The following SMARCA1 variants were observed in gnomAD, a reference collection of about 807,000 sequenced individuals.
The protein encoded by SMARCA1 is SWI/SNF-related matrix-associated actin-dependent regulator of chromatin subfamily A member 1.
In SMARCA1, 17 loss-of-function variants were observed where a neutral mutation model predicts 93.6. The ratio of observed to expected loss-of-function variants is 0.18; its 90% CI spans 0.12 to 0.27. SMARCA1 has a LOEUF of 0.27. Ranked by LOEUF, SMARCA1 falls within the 10% of genes least tolerant of loss-of-function variation. The pLI is 1.00. For missense variants in SMARCA1, 630 were observed against 819.0 expected (o/e 0.77, Z 2.82); for synonymous variants, 271 against 271.4 (o/e 1.00, Z 0.01).
intron 1 of SMARCA1, among the ~76,000 whole-genome samples, chrX:129,518,846 T>C (rs758248364): frequency 9.0e-6 from 1 of 111,241 alleles, no homozygotes; most frequent in Non-Finnish European, 1.9e-5. Context: ...AAATATTAAT[T>C]CTAAGAAACA....
intron 5 of SMARCA1, among the ~76,000 whole-genome samples, chrX:129,515,036 G>A (rs1279179210): frequency 9.0e-6 from 1 of 110,750 alleles, no homozygotes; most frequent in Non-Finnish European, 1.9e-5. Flanking sequence ...GTGACAGAGC[G>A]AGACTCCATC....
At chrX:129,488,822 C>A (rs974701547) in intron 16 of SMARCA1, 115 bp downstream of exon 16, 1 of 466,783 alleles carries the variant, frequency 2.1e-6, no homozygotes, top group African/African-American at 2.4e-5. Flanking sequence ...AGAATATGAG[C>A]TACCTGAAAC....
At chrX:129,451,666 A>G (rs1657319823) in intron 23 of SMARCA1, among the ~76,000 whole-genome samples, 1 of 108,962 alleles carries the variant, frequency 9.2e-6, no homozygotes, top group African/African-American at 3.3e-5. Flanking sequence ...CCTATCACAC[A>G]GGTCATGTCA....
chrX:129,448,201 A>T (rs188183993), intron 24 of SMARCA1, 132 bp downstream of exon 24: 238 of 638,338 alleles, frequency 3.7e-4, no homozygotes, highest in Middle Eastern at 1.7e-3. Flanking sequence ...CTTCTGTCCA[A>T]AACAAATTAG....
intron 17 of SMARCA1, among the ~76,000 whole-genome samples, chrX:129,485,923 T>C (rs1435439526): frequency 9.0e-6 from 1 of 111,454 alleles, no homozygotes; most frequent in Non-Finnish European, 1.9e-5. Flanking sequence ...ATGCTTCTCT[T>C]ACAGCCTGTA....
chrX:129,481,285 C>A, intron 17 of SMARCA1, 100 bp from the exon 18 acceptor site: 1 of 518,559 alleles, frequency 1.9e-6, no homozygotes, highest in East Asian at 3.9e-5. Context: ...GAAGCAAAAG[C>A]CATCAGGAAG....
At chrX:129,448,295 G>A in intron 24 of SMARCA1, 38 bp downstream of exon 24, 1 of 1,173,269 alleles carries the variant, frequency 8.5e-7, no homozygotes, top group Non-Finnish European at 1.2e-6. Context: ...AAAAAAATGG[G>A]ATCTACCTAA....
At chrX:129,507,835 A>G in intron 7 of SMARCA1, 106 bp downstream of exon 7, 1 of 519,818 alleles carries the variant, frequency 1.9e-6, no homozygotes, top group Non-Finnish European at 3.0e-6. Context: ...TACAGGCGTG[A>G]GCCACCACAC....
intron 23 of SMARCA1, among the ~76,000 whole-genome samples, chrX:129,457,440 C>A (rs910877014): frequency 2.7e-5 from 3 of 111,996 alleles, no homozygotes; most frequent in African/African-American, 9.7e-5. Flanking sequence ...TACTTAATTC[C>A]ATTGACAAAA....
rs1306775348 is a variant in SMARCA1, at chrX:129,516,490, T to C, written c.269A>G (p.Asp90Gly). The change falls in exon 3 of 25, where the codon GAC becomes GGC. Residue 90 changes from aspartate (D) to glycine (G), a missense_variant. Physicochemically the swap from Asp to Gly is moderately conservative, Grantham distance 94 (BLOSUM62 -1). Coordinates refer to ENST00000371121, the MANE Select transcript of SMARCA1 (RefSeq NM_001282874.2). ...TAAAAATTCAAATCTCTTTGCTCGG[T>C]CGGCTTTCTAATTTGCAAAACAAAA... is the stretch of plus-strand genomic sequence containing the variant. ...DPEYEEKMKADRAKRFEFLLK... is the reference protein window; with the variant it reads ...DPEYEEKMKAGRAKRFEFLLK... The C allele has an allele frequency of 1.7e-6, 2 of 1,198,942 alleles. No homozygotes were observed. The highest frequency in any genetic ancestry group is 2.2e-6 in the Non-Finnish European group (2 of 890,066).
chrX:129,489,973 G>A, intron 15 of SMARCA1, 87 bp downstream of exon 15: 2 of 710,806 alleles, frequency 2.8e-6, no homozygotes, highest in Non-Finnish European at 4.1e-6. Context: ...TCAAATTTTG[G>A]TCAACTTTTA....
chrX:129,459,160 C>T (rs1932757659), intron 23 of SMARCA1, among the ~76,000 whole-genome samples: 1 of 112,481 alleles, frequency 8.9e-6, no homozygotes. Context: ...GTGGCTCACA[C>T]CTGTAATCCC....
At chrX:129,495,645 T>C (rs896799905) in intron 12 of SMARCA1, among the ~76,000 whole-genome samples, 3 of 110,893 alleles carry the variant, frequency 2.7e-5, no homozygotes, top group Non-Finnish European at 3.8e-5. Context: ...ATCCCAAACG[T>C]TGGTATTACA....
chrX:129,479,411 T>G (rs1739056497), intron 19 of SMARCA1, among the ~76,000 whole-genome samples: 1 of 110,566 alleles, frequency 9.0e-6, no homozygotes, highest in Non-Finnish European at 1.9e-5. Flanking sequence ...CTGTTTTCAC[T>G]TTCTTTGAAA....
At chrX:129,516,852 C>T (rs1935219370) in intron 2 of SMARCA1, among the ~76,000 whole-genome samples, 1 of 111,809 alleles carries the variant, frequency 8.9e-6, no homozygotes, top group Non-Finnish European at 1.9e-5. Context: ...CTTTCCAAAA[C>T]ATCATTTTAT....
Position 129,450,104 on chromosome X carries a change from A to G in SMARCA1, c.3031-1661T>C, listed in dbSNP as rs147190288. On this transcript the variant is annotated intron_variant, in intron 23 of 24. Transcript: ENST00000371121. ...AAGCCCTAACCTTCAATGTGACTGT[A>G]TTTGAAGATGGGGACTTGTGACTGT... is the stretch of plus-strand genomic sequence containing the variant. Among the ~76,000 whole-genome samples the G allele has an allele frequency of 2.2e-3, 249 of 112,332 alleles. 2 individuals are homozygous for G. The East Asian group carries it at 0.025, about 11-fold the overall frequency.
chrX:129,500,407 C>T (rs1251121854), intron 9 of SMARCA1, among the ~76,000 whole-genome samples: 2 of 112,492 alleles, frequency 1.8e-5, no homozygotes, highest in African/African-American at 6.5e-5. Flanking sequence ...ACCCCGTGAT[C>T]CACCCACCTT....
rs765729135 is a variant in SMARCA1 at position 129,475,306 on chromosome X, G to A, written c.2443-3980C>T. Reference sequence around the variant, plus strand: ...GGTCAAGGCGGGTGGATCACCTGAGGTCAGGAGTTCAAGACCAGCCTGGCC... The same window carrying A: ...GGTCAAGGCGGGTGGATCACCTGAGATCAGGAGTTCAAGACCAGCCTGGCC... On this transcript the variant is annotated intron_variant, in intron 19 of 24. Coordinates refer to ENST00000371121, the MANE Select transcript of SMARCA1 (RefSeq NM_001282874.2). Among the ~76,000 whole-genome samples, 202 of 110,170 alleles carry A rather than the reference G, an allele frequency of 1.8e-3. 1 individual carries two copies. Among genetic ancestry groups the A allele is most frequent in the African/African-American group, 6.4e-3 (194 of 30,264 alleles).
intron 1 of SMARCA1, among the ~76,000 whole-genome samples, chrX:129,521,099 T>G (rs1156637364): frequency 2.7e-5 from 3 of 110,963 alleles, no homozygotes; most frequent in Non-Finnish European, 5.7e-5. Context: ...TTGGCCAGGC[T>G]GGTTTCGAAC....
Sources: gnomAD v4.1 joint callset for allele counts (sites outside exome capture counted in the v4.1 genomes callset) on GRCh38, gnomAD v4.1.1 for gene constraint, MANE v1.5 for transcripts, NCBI Gene and HGNC (gene_info 2026-07-23, HGNC 2026-07-21) for gene names.